The following IGFBP5 variants were observed in gnomAD, a reference collection of about 807,000 sequenced individuals.
IGFBP5 encodes insulin like growth factor binding protein 5, also known as insulin-like growth factor-binding protein 5.
Under a neutral mutation model 28.0 loss-of-function variants are expected in IGFBP5, and 12 were observed. The ratio of observed to expected loss-of-function variants is 0.43; its 90% CI spans 0.27 to 0.69. The LOEUF (loss-of-function observed/expected upper bound fraction) is 0.69. Ranked by LOEUF, IGFBP5 falls within the 30% of genes least tolerant of loss-of-function variation. IGFBP5 has a pLI of 0.20. For missense variants in IGFBP5, 344 were observed against 381.6 expected (o/e 0.90, Z 0.82); for synonymous variants, 152 against 150.2 (o/e 1.01, Z -0.09).
In IGFBP5 at chr2:216,694,868, T is replaced by A; in HGVS notation, c.-93A>T. ...AAGAGGGCCCCCGGAGATTTTTTTG[T>A]TTTTGTTTTTGTTTTAAAATTTCTG... On this transcript the variant is annotated 5_prime_UTR_variant, in exon 1 of 4. Transcript: ENST00000233813. This position sits in a 1 kb window ranked among gnomAD's most constrained non-coding sequence, Gnocchi z 5.2. 1 of 881,392 alleles carries A rather than the reference T, an allele frequency of 1.1e-6. No individual in the cohort carries two copies. Among genetic ancestry groups the A allele is most frequent in the Non-Finnish European group, 1.5e-6 (1 of 656,248 alleles). 54.6% of individuals were successfully genotyped at this position (881,392 alleles called of 1,614,324 possible).
At chr2:216,687,365 A>G (rs1689044166) in intron 1 of IGFBP5, among the ~76,000 whole-genome samples, 1 of 152,274 alleles carries the variant, frequency 6.6e-6, no homozygotes, top group South Asian at 2.1e-4. Context: ...ACCGCCCTCC[A>G]CAGTGTAGAT....
chr2:216,678,799 G>T, intron 2 of IGFBP5, 51 bp downstream of exon 2: 2 of 1,462,478 alleles, frequency 1.4e-6, no homozygotes, highest in Non-Finnish European at 1.9e-6. Flanking sequence ...CCATTTAGAT[G>T]CAGGAAAAGG....
At chr2:216,686,083 TG>T (rs1689031860) in intron 1 of IGFBP5, among the ~76,000 whole-genome samples, 1 of 151,898 alleles carries the variant, frequency 6.6e-6, no homozygotes, top group African/African-American at 2.4e-5. Flanking sequence ...GGAGGGGAGT[TG>T]AGCAGACTTA....
At chr2:216,689,518 T>G (rs1482524484) in intron 1 of IGFBP5, among the ~76,000 whole-genome samples, 3 of 152,242 alleles carry the variant, frequency 2.0e-5, no homozygotes, top group Non-Finnish European at 2.9e-5. Context: ...TCTTATGTCA[T>G]GGAGTGATAG....
intron 1 of IGFBP5, among the ~76,000 whole-genome samples, chr2:216,683,510 C>T (rs1031817226): frequency 6.6e-6 from 1 of 152,150 alleles, no homozygotes; most frequent in Non-Finnish European, 1.5e-5. Context: ...AAGCGAGGCC[C>T]GGAGAGAACC....
chr2:216,694,497 C>G lies in IGFBP5; in HGVS notation c.279G>C (p.Leu93=). The G allele has an allele frequency of 6.3e-7, 1 of 1,590,686 alleles. No homozygotes were observed. Among genetic ancestry groups the G allele is most frequent in the South Asian group, 1.1e-5 (1 of 87,306 alleles). Residue 93 remains leucine, a synonymous_variant, in exon 1 of 4, where the codon CTG becomes CTC. Coordinates refer to ENST00000233813, the MANE Select transcript of IGFBP5 (RefSeq NM_000599.4). The surrounding 1 kb of genome is among the most constrained non-coding windows in gnomAD (Gnocchi z 5.2). ...RQDEEKPLHA[L]LHGRGVCLNE... ...TGAGGCAAACCCCGCGGCCGTGCAG[C>G]AGGGCGTGCAGCGGCTTCTCCTCGT...
chr2:216,680,462 T>C (rs922901604), intron 1 of IGFBP5, among the ~76,000 whole-genome samples: 1 of 152,180 alleles, frequency 6.6e-6, no homozygotes. Context: ...TGGGCAGGTA[T>C]AGAACCTGAC....
At chr2:216,689,773 G>T (rs540594910) in intron 1 of IGFBP5, among the ~76,000 whole-genome samples, 1 of 152,286 alleles carries the variant, frequency 6.6e-6, no homozygotes, top group South Asian at 2.1e-4. Context: ...ATGGCTATGG[G>T]TTCCTTCCAG....
intron 1 of IGFBP5, among the ~76,000 whole-genome samples, chr2:216,680,322 T>C (rs937847481): frequency 3.3e-5 from 5 of 152,212 alleles, no homozygotes; most frequent in African/African-American, 1.2e-4. Flanking sequence ...CCATGATCAC[T>C]GGGATGTCCA....
chr2:216,685,204 C>T (rs887118461), intron 1 of IGFBP5, among the ~76,000 whole-genome samples: 6 of 151,502 alleles, frequency 4.0e-5, no homozygotes, highest in African/African-American at 1.5e-4. Context: ...TCACTTGAAC[C>T]TGGGAGGCGG....
intron 1 of IGFBP5, among the ~76,000 whole-genome samples, chr2:216,691,527 T>C (rs1332962745): frequency 6.6e-6 from 1 of 152,150 alleles, no homozygotes; most frequent in Admixed American, 6.5e-5. Context: ...ACACATTCTT[T>C]TTTCCGTATC....
At chr2:216,687,337 A>G (rs1292181361) in intron 1 of IGFBP5, among the ~76,000 whole-genome samples, 1 of 152,042 alleles carries the variant, frequency 6.6e-6, no homozygotes, top group Non-Finnish European at 1.5e-5. Context: ...CTGAAGATAT[A>G]TAGAGAAAAG....
intron 1 of IGFBP5, among the ~76,000 whole-genome samples, chr2:216,684,381 C>T (rs1343713852): frequency 2.0e-5 from 3 of 152,206 alleles, no homozygotes; most frequent in Non-Finnish European, 4.4e-5. Flanking sequence ...TAGTTTATCA[C>T]TCTATCTCAC....
At chr2:216,678,067 A>G in intron 3 of IGFBP5, 45 bp downstream of exon 3, 1 of 1,375,274 alleles carries the variant, frequency 7.3e-7, no homozygotes. Context: ...GGCAGGTGCC[A>G]TTTTTGGAGC....
At chr2:216,693,019 C>G (rs1482251629) in intron 1 of IGFBP5, among the ~76,000 whole-genome samples, 3 of 152,062 alleles carry the variant, frequency 2.0e-5, no homozygotes, top group Admixed American at 6.6e-5. Context: ...AGGGGATTGC[C>G]CCCGTAACTA....
Position 216,674,534 on chromosome 2 carries a change from G to A in IGFBP5, c.*2217C>T, listed in dbSNP as rs1688872302. 1 of 152,292 alleles carries A rather than the reference G, an allele frequency of 6.6e-6. No individual in the cohort carries two copies. The highest frequency in any genetic ancestry group is 2.4e-5 in the African/African-American group (1 of 41,460). The allele number at this position is 152,292 out of a possible 1,614,324, so 9.4% of individuals were successfully genotyped here. ...CTTCGTAGCCCCAAATTCGTTGTTGGAGGCGGTCTCCGCTGTGTCATGCCA... is the reference window on the plus strand; with the variant it reads ...CTTCGTAGCCCCAAATTCGTTGTTGAAGGCGGTCTCCGCTGTGTCATGCCA... On this transcript the variant is annotated 3_prime_UTR_variant, in exon 4 of 4. Coordinates refer to ENST00000233813, the MANE Select transcript of IGFBP5 (RefSeq NM_000599.4). This position sits in a 1 kb window ranked among gnomAD's most constrained non-coding sequence, Gnocchi z 4.4.
At position 216,678,882 on chromosome 2, in the gene IGFBP5, A is replaced by C; in HGVS notation, c.535T>G (p.Ser179Ala). The C allele has an allele frequency of 6.2e-7, 1 of 1,614,222 alleles. No homozygotes were observed. Among genetic ancestry groups the C allele is most frequent in the Non-Finnish European group, 8.5e-7 (1 of 1,180,044 alleles). Reference protein sequence around the residue: ...AENTAHPRIISAPEMRQESEQ... With the variant: ...AENTAHPRIIAAPEMRQESEQ... Reference sequence around the variant, plus strand: ...GACTCCTGTCTCATCTCAGGTGCAGAGATGATCCGGGGGTGGGCAGTGTTC... The same window carrying C: ...GACTCCTGTCTCATCTCAGGTGCAGCGATGATCCGGGGGTGGGCAGTGTTC... The change falls in exon 2 of 4, where the codon TCT becomes GCT. Residue 179 changes from serine to alanine, a missense_variant. Ser to Ala is a moderately conservative substitution (Grantham distance 99). Coordinates refer to ENST00000233813, the MANE Select transcript of IGFBP5 (RefSeq NM_000599.4).
rs576556411 is a variant in IGFBP5, at chr2:216,692,748, T to G, written c.337+1691A>C. ...GCCTGCACATCCTCCCCTTTTCCTC[T>G]TTTTGCAGGCTGCAACCTGCAAAAA... On this transcript the variant is annotated intron_variant, in intron 1 of 3. Coordinates refer to ENST00000233813, the MANE Select transcript of IGFBP5 (RefSeq NM_000599.4). The surrounding 1 kb of genome is among the most constrained non-coding windows in gnomAD (Gnocchi z 4.2). Among the ~76,000 whole-genome samples, 16 of 152,166 alleles carry G rather than the reference T, an allele frequency of 1.1e-4. No individual in the cohort carries two copies. The East Asian group carries it at 2.9e-3, about 28-fold the overall frequency.
At chr2:216,684,828 C>T (rs1689016798) in intron 1 of IGFBP5, among the ~76,000 whole-genome samples, 1 of 152,336 alleles carries the variant, frequency 6.6e-6, no homozygotes, top group East Asian at 1.9e-4. Context: ...GAGCCCAGTG[C>T]ATGCCTTGGG....
Sources: gnomAD v4.1 joint callset for allele counts (sites outside exome capture counted in the v4.1 genomes callset) on GRCh38, gnomAD v4.1.1 for gene constraint, Gnocchi (gnomAD v3.1) non-coding constraint, MANE v1.5 for transcripts, NCBI Gene and HGNC (gene_info 2026-07-23, HGNC 2026-07-21) for gene names.